WWC2: variants seen among roughly 807,000 people sequenced by gnomAD.
WWC2 encodes WW and C2 domain containing 2, also known as protein WWC2.
WWC2 carries 101 observed loss-of-function variants against 138.5 expected under a neutral mutation model. The observed-to-expected ratio is 0.73, with a 90% CI of 0.62 to 0.86. The LOEUF is 0.86. Ranked by LOEUF, WWC2 falls within the 40% of genes least tolerant of loss-of-function variation. WWC2 has a pLI of 0.00. For missense variants in WWC2, 1,420 were observed against 1,419.4 expected, an observed-to-expected ratio of 1.00 and a Z score of -0.01; for synonymous variants, 558 against 538.4, an observed-to-expected ratio of 1.04 and a Z score of -0.50.
intron 2 of WWC2, among the ~76,000 whole-genome samples, chr4:183,201,199 C>T (rs1735286405): frequency 6.6e-6 from 1 of 152,148 alleles, no homozygotes; most frequent in South Asian, 2.1e-4. Flanking sequence ...GTGGTGATGT[C>T]CTTGAAGATT....
At chr4:183,254,301 C>G (rs1324369493) in intron 9 of WWC2, among the ~76,000 whole-genome samples, 1 of 152,204 alleles carries the variant, frequency 6.6e-6, no homozygotes, top group Admixed American at 6.5e-5. Context: ...CTATTGCACT[C>G]CGATAAGAAA....
chr4:183,248,975 A>C, intron 7 of WWC2, 115 bp downstream of exon 7: 1 of 1,050,640 alleles, frequency 9.5e-7, no homozygotes, highest in Non-Finnish European at 1.3e-6. Context: ...GGCTGTGTGC[A>C]TTCAGTGTTC....
rs1267534435 is a variant in WWC2 at position 183,261,308 on chromosome 4, T to G, written c.1685T>G (p.Leu562Trp). The G allele has an allele frequency of 6.2e-7, 1 of 1,613,604 alleles. No homozygotes were observed. The highest frequency in any genetic ancestry group is 8.5e-7 in the Non-Finnish European group (1 of 1,179,778). Residue 562 changes from leucine (L) to tryptophan (W), a missense_variant, in exon 11 of 23, where the codon TTG (leucine) becomes TGG (tryptophan). Leu to Trp is a moderately conservative substitution (Grantham distance 61). Coordinates refer to ENST00000403733, the MANE Select transcript of WWC2 (RefSeq NM_024949.6). ...LSSLSPPGSP[L>W]VLEGTFPMSS... ...TCCTTGTCTCCTCCAGGCTCTCCCT[T>G]GGTTTTGGAAGGCACGTTTCCCATG...
rs570177774 is a variant in WWC2 at position 183,247,639 on chromosome 4, C to G, written c.733-1075C>G. Among the ~76,000 whole-genome samples, 162 of 134,188 alleles carry G rather than the reference C, an allele frequency of 1.2e-3. 2 individuals carry two copies. The highest frequency in any genetic ancestry group is 4.4e-3 in the African/African-American group (157 of 35,590). 88.0% of individuals were successfully genotyped at this position (134,188 alleles called of 152,430 possible). A position where few individuals can be genotyped will look rare whatever the true frequency, so the allele number is the denominator to read the frequency against. On this transcript the variant is annotated intron_variant, in intron 6 of 22. Coordinates refer to ENST00000403733, the MANE Select transcript of WWC2 (RefSeq NM_024949.6). ...CTATATATACTATATACTATATATA[C>G]TATATATACTATATACTATATATAC...
chr4:183,266,171 C>T (rs1737497740), intron 14 of WWC2, among the ~76,000 whole-genome samples: 1 of 152,122 alleles, frequency 6.6e-6, no homozygotes, highest in Admixed American at 6.5e-5. Flanking sequence ...AGAGTAGAAG[C>T]CAAGACATTT....
intron 1 of WWC2, among the ~76,000 whole-genome samples, chr4:183,144,009 A>G (rs1053647385): frequency 6.6e-6 from 1 of 152,338 alleles, no homozygotes; most frequent in East Asian, 1.9e-4. Context: ...CTACTAGTGA[A>G]TATGAAATTA....
At chr4:183,123,402 G>GGTGTGTGTGT (rs67158904) in intron 1 of WWC2, among the ~76,000 whole-genome samples, 4,572 of 147,684 alleles carry the variant, frequency 0.031, 82 homozygotes, top group Non-Finnish European at 0.038. Context: ...GCAAGTTTCA[G>GGTGTGTGTGT]GTGTGTGTGT....
chr4:183,158,689 C>T (rs13119486), intron 1 of WWC2, among the ~76,000 whole-genome samples: 150,126 of 152,146 alleles, frequency 0.99, 74,096 homozygotes, highest in Middle Eastern at 1. Flanking sequence ...GTGCTCAAAA[C>T]GTCAATGACA....
chr4:183,100,847 A>G (rs2152885201), intron 1 of WWC2, among the ~76,000 whole-genome samples: 1 of 152,356 alleles, frequency 6.6e-6, no homozygotes, highest in Non-Finnish European at 1.5e-5. Context: ...AAATGAGAAA[A>G]GGCACCTGTG....
intron 1 of WWC2, among the ~76,000 whole-genome samples, chr4:183,103,425 CA>C (rs1246915357): frequency 9.4e-5 from 14 of 149,238 alleles, no homozygotes; most frequent in Admixed American, 2.0e-4. Flanking sequence ...CTCCCGGGTT[CA>C]AGCGATTCTC....
rs540060817 is a variant in WWC2 at position 183,315,076 on chromosome 4, C to T, written c.3513-587C>T. Among the ~76,000 whole-genome samples, 10 of 152,318 alleles carry T rather than the reference C, an allele frequency of 6.6e-5. No homozygotes were observed. In the South Asian group the frequency reaches 1.7e-3, roughly 25 times the overall value. ...GTGTGAAGTTCTGTAGGGAAATAGA[C>T]GCACTGTTTGTCTTTTTTTTAAGCA... On this transcript the variant is annotated intron_variant, in intron 22 of 22. Coordinates refer to ENST00000403733, the MANE Select transcript of WWC2 (RefSeq NM_024949.6).
At chr4:183,252,317 C>T (rs181058168) in intron 8 of WWC2, among the ~76,000 whole-genome samples, 1 of 152,282 alleles carries the variant, frequency 6.6e-6, no homozygotes, top group African/African-American at 2.4e-5. Context: ...CTTGTGCAGA[C>T]ATCAGTGGAG....
chr4:183,197,322 T>C (rs185164044), intron 2 of WWC2, among the ~76,000 whole-genome samples: 1 of 152,366 alleles, frequency 6.6e-6, no homozygotes, highest in African/African-American at 2.4e-5. Context: ...CTCATTAATC[T>C]TCAAGACATT....
chr4:183,183,024 G>A (rs1050008087), intron 1 of WWC2, among the ~76,000 whole-genome samples: 3 of 152,188 alleles, frequency 2.0e-5, no homozygotes, highest in African/African-American at 4.8e-5. Context: ...GCTAGAGAGC[G>A]AGAAGAAGGC....
chr4:183,176,703 G>A (rs185234753), intron 1 of WWC2, among the ~76,000 whole-genome samples: 1,711 of 152,238 alleles, frequency 0.011, 13 homozygotes, highest in Middle Eastern at 0.017. Context: ...GATTACAGCC[G>A]TGAGCCACCA....
Position 183,280,781 on chromosome 4 carries a change from A to G in WWC2, c.2568A>G (p.Ala856=). Residue 856 remains alanine, a synonymous_variant, in exon 17 of 23, where the codon GCA becomes GCG. Transcript: ENST00000403733. ...GTATGCTTTACATTCTTCAGGATGC[A>G]GTGTCAGCCTTACTTGCAAGAACAT... is the stretch of plus-strand genomic sequence containing the variant. ...QPLVDSIDLD[A]VSALLARTSA... The G allele has an allele frequency of 1.2e-6, 2 of 1,603,550 alleles. No homozygotes were observed. The highest frequency in any genetic ancestry group is 1.7e-6 in the Non-Finnish European group (2 of 1,174,928).
intron 21 of WWC2, among the ~76,000 whole-genome samples, chr4:183,297,836 G>C (rs1450106022): frequency 6.6e-6 from 1 of 152,218 alleles, no homozygotes; most frequent in Non-Finnish European, 1.5e-5. Context: ...GCACCCAAAG[G>C]CCATGCTAAC....
At chr4:183,232,038 G>C (rs1736260933) in intron 4 of WWC2, among the ~76,000 whole-genome samples, 1 of 152,192 alleles carries the variant, frequency 6.6e-6, no homozygotes, top group Non-Finnish European at 1.5e-5. Context: ...CCAGGTGATG[G>C]AATGAAGACA....
Position 183,300,261 on chromosome 4 carries a change from G to A in WWC2, c.3384+10626G>A, listed in dbSNP as rs541671314. 7.2e-5 allele frequency among the ~76,000 whole-genome samples: 11 copies of A among 152,140 alleles called. No individual in the cohort carries two copies. The East Asian group carries it at 9.7e-4, about 13-fold the overall frequency. On this transcript the variant is annotated intron_variant, in intron 21 of 22. Transcript: ENST00000403733. Reference sequence around the variant, plus strand: ...TAAGCCCGGCATCTTATCGTGATTCGTTGGGTGAGGGAAAAGCATGCCGAG... The same window carrying A: ...TAAGCCCGGCATCTTATCGTGATTCATTGGGTGAGGGAAAAGCATGCCGAG...
Sources: allele counts gnomAD v4.1 joint callset (sites outside exome capture counted in the v4.1 genomes callset), GRCh38; gene constraint gnomAD v4.1.1; transcripts MANE v1.5; gene names NCBI Gene and HGNC (gene_info 2026-07-23, HGNC 2026-07-21).